Variants in DENND1B observed in about 807,000 individuals in gnomAD.
The protein encoded by DENND1B is DENN domain containing 1B.
DENND1B carries 59 observed loss-of-function variants against 90.1 expected under a neutral mutation model. That is an observed-to-expected ratio of 0.65 (90% CI 0.53 to 0.81). DENND1B has a LOEUF of 0.81. DENND1B is among the 40% of genes least tolerant of loss of function. The pLI is 0.00. For missense variants in DENND1B, 862 were observed against 912.6 expected, an observed-to-expected ratio of 0.94 and a Z score of 0.71; for synonymous variants, 337 against 324.6, an observed-to-expected ratio of 1.04 and a Z score of -0.41.
At chr1:197,731,616 G>A (rs1454623773) in intron 2 of DENND1B, among the ~76,000 whole-genome samples, 1 of 152,104 alleles carries the variant, frequency 6.6e-6, no homozygotes, top group Non-Finnish European at 1.5e-5. Context: ...TACACCAGGG[G>A]CGTCCAATCT....
At chr1:197,541,736 C>G (rs1003038679) in intron 18 of DENND1B, among the ~76,000 whole-genome samples, 1 of 152,108 alleles carries the variant, frequency 6.6e-6, no homozygotes, top group African/African-American at 2.4e-5. Flanking sequence ...ATTTTGTTTC[C>G]TAAATATATG....
chr1:197,551,158 T>A (rs1225431735), intron 16 of DENND1B, among the ~76,000 whole-genome samples: 2 of 151,896 alleles, frequency 1.3e-5, no homozygotes, highest in African/African-American at 4.8e-5. Context: ...AGAACACTGC[T>A]AATTTTTATT....
intron 3 of DENND1B, among the ~76,000 whole-genome samples, chr1:197,701,866 A>G (rs527750243): frequency 6.6e-6 from 1 of 152,338 alleles, no homozygotes; most frequent in South Asian, 2.1e-4. Flanking sequence ...AACTTAAAAT[A>G]CCTTAAAAAT....
chr1:197,663,415 G>A (rs888717981), intron 5 of DENND1B, among the ~76,000 whole-genome samples: 1 of 152,010 alleles, frequency 6.6e-6, no homozygotes, highest in African/African-American at 2.4e-5. Flanking sequence ...TCCTAGAAAC[G>A]TCAAGAAAGC....
At position 197,658,321 on chromosome 1, in the gene DENND1B, T is replaced by C; in HGVS notation, c.345A>G (p.Ala115=). ...EVYYKLLNTL[A]DYLAKELEND... is the part of the protein sequence containing the mutation. ...TTACCAGTTCCTTAGCCAAGTAATC[T>C]GCAAGAGTATTTAGAAGCTTGTAAT... Residue 115 remains alanine (A), a synonymous_variant, in exon 6 of 23, where the codon GCA becomes GCG. Coordinates refer to ENST00000620048, the MANE Select transcript of DENND1B (RefSeq NM_001195215.2). The C allele has an allele frequency of 6.2e-7, 1 of 1,610,658 alleles. No individual in the cohort carries two copies. Among genetic ancestry groups the C allele is most frequent in the East Asian group, 2.2e-5 (1 of 44,726 alleles).
intron 3 of DENND1B, among the ~76,000 whole-genome samples, chr1:197,683,331 G>A (rs1656885786): frequency 6.6e-6 from 1 of 152,038 alleles, no homozygotes. Context: ...AGCAAGGAAG[G>A]GATATGATTG....
At chr1:197,714,613 T>C (rs1660456298) in intron 3 of DENND1B, among the ~76,000 whole-genome samples, 2 of 152,152 alleles carry the variant, frequency 1.3e-5, no homozygotes, top group South Asian at 4.1e-4. Context: ...CAGATACTAC[T>C]GTGACAAGGA....
intron 15 of DENND1B, among the ~76,000 whole-genome samples, chr1:197,565,799 T>C (rs1344330428): frequency 6.6e-6 from 1 of 150,724 alleles, no homozygotes; most frequent in African/African-American, 2.4e-5. Context: ...TTCATCCATG[T>C]CCCTACAAAG....
chr1:197,626,701 A>G (rs1047931113), intron 10 of DENND1B, among the ~76,000 whole-genome samples: 1 of 151,890 alleles, frequency 6.6e-6, no homozygotes, highest in African/African-American at 2.4e-5. Context: ...GGAAATAGAG[A>G]CACAAAAAAA....
At chr1:197,514,127 A>G (rs1668233575) in intron 20 of DENND1B, among the ~76,000 whole-genome samples, 1 of 151,744 alleles carries the variant, frequency 6.6e-6, no homozygotes, top group Non-Finnish European at 1.5e-5. Context: ...GCATTCCATG[A>G]TAACGACTGG....
chr1:197,574,977 AC>A (rs1673528487), intron 15 of DENND1B, among the ~76,000 whole-genome samples: 1 of 152,200 alleles, frequency 6.6e-6, no homozygotes, highest in African/African-American at 2.4e-5. Context: ...TAGACCTAAA[AC>A]CATAAAAACC....
At chr1:197,572,620 C>T (rs1018863791) in intron 15 of DENND1B, among the ~76,000 whole-genome samples, 5 of 152,196 alleles carry the variant, frequency 3.3e-5, no homozygotes, top group Admixed American at 6.5e-5. Context: ...CAAGCAGGTG[C>T]CTGACTCCCT....
At chr1:197,683,928 G>T (rs1287937931) in intron 3 of DENND1B, among the ~76,000 whole-genome samples, 1 of 152,204 alleles carries the variant, frequency 6.6e-6, no homozygotes, top group African/African-American at 2.4e-5. Context: ...GGAAAGATCA[G>T]TTGGAACAAG....
chr1:197,642,708 T>TA lies in DENND1B; in HGVS notation c.672+2dup, dbSNP rs1478148942. On this transcript the variant is annotated splice_region_variant and intron_variant, in intron 10 of 22. Coordinates refer to ENST00000620048, the MANE Select transcript of DENND1B (RefSeq NM_001195215.2). ...CTACTTAAAAGAAGTGTGAAGTACT[T>TA]ACAGTGCTTAATTTGCTCGAGATAA... is the stretch of plus-strand genomic sequence containing the variant. 6.2e-7 allele frequency: 1 copy of TA among 1,605,336 alleles called. No individual in the cohort carries two copies. Among genetic ancestry groups the TA allele is most frequent in the Non-Finnish European group, 8.5e-7 (1 of 1,173,570 alleles).
At position 197,564,395 on chromosome 1, in the gene DENND1B, CAAAAAAAAAA is replaced by C. The variant is rs71131780; in HGVS notation, c.1150-11293_1150-11284del. ...ATACTGAGGCAAGAACCTCCACCAG[CAAAAAAAAAA>C]AAAAAAAAAAAAAAAGATGATTTGT... On this transcript the variant is annotated intron_variant, in intron 15 of 22. Coordinates refer to ENST00000620048, the MANE Select transcript of DENND1B (RefSeq NM_001195215.2). 5.0e-3 allele frequency among the ~76,000 whole-genome samples: 314 copies of C among 63,186 alleles called. 4 individuals carry two copies. Among genetic ancestry groups the C allele is most frequent in the Non-Finnish European group, 5.3e-3 (193 of 36,742 alleles). The allele number at this position is 63,186 out of a possible 152,430, so 41.5% of individuals were successfully genotyped here. A position where few individuals can be genotyped will look rare whatever the true frequency, so the allele number is the denominator to read the frequency against.
At chr1:197,601,545 G>C (rs1676213323) in intron 13 of DENND1B, among the ~76,000 whole-genome samples, 1 of 151,538 alleles carries the variant, frequency 6.6e-6, no homozygotes, top group Admixed American at 6.6e-5. Flanking sequence ...AATATCTGCA[G>C]TAACAAGAGA....
chr1:197,750,906 G>A (rs1653418792), intron 2 of DENND1B, among the ~76,000 whole-genome samples: 1 of 152,152 alleles, frequency 6.6e-6, no homozygotes, highest in African/African-American at 2.4e-5. Context: ...AGTTGTAAAT[G>A]TGTATGCTTA....
intron 2 of DENND1B, chr1:197,735,904 T>C (rs1662630164): frequency 6.5e-6 from 10 of 1,533,238 alleles, no homozygotes; most frequent in South Asian, 2.2e-5. Context: ...CCTGCTGATA[T>C]AATGGCCAAG....
At chr1:197,689,412 A>G (rs1657615409) in intron 3 of DENND1B, 1 of 152,186 alleles carries the variant, frequency 6.6e-6, no homozygotes. Context: ...TATGGGAGGT[A>G]CAACTCAAGA....
Sources: allele counts gnomAD v4.1 joint callset (sites outside exome capture counted in the v4.1 genomes callset), GRCh38; gene constraint gnomAD v4.1.1; transcripts MANE v1.5; gene names NCBI Gene and HGNC (gene_info 2026-07-23, HGNC 2026-07-21).